The following FOCAD variants were observed in gnomAD, a reference collection of about 807,000 sequenced individuals.
The protein encoded by FOCAD is KIAA1797.
FOCAD carries 198 observed loss-of-function variants against 225.6 expected under a neutral mutation model. The observed-to-expected ratio is 0.88, with a 90% CI of 0.78 to 0.99. The LOEUF (loss-of-function observed/expected upper bound fraction) is 0.99. Ranked by LOEUF, FOCAD falls within the 50% of genes least tolerant of loss-of-function variation. The pLI, the probability that FOCAD is intolerant of heterozygous loss-of-function variation, is 0.00. For synonymous variants in FOCAD, 897 were observed against 755.0 expected (o/e 1.19, Z -3.08); for missense variants, 2,713 against 2,123.6 (o/e 1.28, Z -5.46).
chr9:20,709,153 G>A (rs1022271007), intron 1 of FOCAD, among the ~76,000 whole-genome samples: 59 of 151,960 alleles, frequency 3.9e-4, no homozygotes, highest in Admixed American at 3.6e-3. Flanking sequence ...GTATTCTTAG[G>A]GGCTGAACTA....
intron 15 of FOCAD, among the ~76,000 whole-genome samples, chr9:20,830,774 G>A (rs1825401782): frequency 6.6e-6 from 1 of 151,934 alleles, no homozygotes; most frequent in African/African-American, 2.4e-5. Context: ...ATCTCTGGGT[G>A]CAAGGGATCC....
At chr9:20,925,636 C>G (rs937275280) in intron 25 of FOCAD, among the ~76,000 whole-genome samples, 1 of 152,178 alleles carries the variant, frequency 6.6e-6, no homozygotes, top group African/African-American at 2.4e-5. Flanking sequence ...ATTCCAGTTA[C>G]CATGTGAGTT....
chr9:20,831,856 A>G (rs75881173), intron 15 of FOCAD, among the ~76,000 whole-genome samples: 2,809 of 152,078 alleles, frequency 0.018, 30 homozygotes, highest in Non-Finnish European at 0.029. Flanking sequence ...TTGAACCCCA[A>G]TCCTCCCATA....
At chr9:20,667,197 G>T (rs965617483) in intron 2 of FOCAD, among the ~76,000 whole-genome samples, 2 of 152,124 alleles carry the variant, frequency 1.3e-5, no homozygotes, top group African/African-American at 4.8e-5. Context: ...TGAAATGCAC[G>T]TGTTATAGCT....
intron 18 of FOCAD, among the ~76,000 whole-genome samples, chr9:20,873,626 C>T (rs1037186707): frequency 6.6e-6 from 1 of 152,102 alleles, no homozygotes; most frequent in African/African-American, 2.4e-5. Context: ...ACTTCTCCTT[C>T]ACTAGTGAAG....
chr9:20,898,121 T>C (rs1030248378), intron 21 of FOCAD, among the ~76,000 whole-genome samples: 6 of 151,870 alleles, frequency 4.0e-5, no homozygotes, highest in Non-Finnish European at 8.8e-5. Context: ...TTTGCTTCTC[T>C]ATATGTATGG....
At chr9:20,810,375 A>G (rs1822929184) in intron 11 of FOCAD, among the ~76,000 whole-genome samples, 1 of 152,154 alleles carries the variant, frequency 6.6e-6, no homozygotes. Context: ...TGTAAAACAC[A>G]TTACCAATGA....
At chr9:20,884,996 T>C in intron 20 of FOCAD, 113 bp from the exon 21 acceptor site, 1 of 478,248 alleles carries the variant, frequency 2.1e-6, no homozygotes, top group Non-Finnish European at 2.9e-6. Flanking sequence ...GCGGCGGAGG[T>C]TGCAGTGAGC....
chr9:20,705,564 T>C (rs1824312097), intron 1 of FOCAD, among the ~76,000 whole-genome samples: 1 of 152,192 alleles, frequency 6.6e-6, no homozygotes, highest in African/African-American at 2.4e-5. Context: ...CGATCATTTA[T>C]TGGCCAATAA....
intron 27 of FOCAD, among the ~76,000 whole-genome samples, chr9:20,930,765 G>T (rs771425411): frequency 6.6e-6 from 1 of 152,102 alleles, no homozygotes; most frequent in Non-Finnish European, 1.5e-5. Context: ...TATTCATTTC[G>T]TCCTGTTCAC....
intron 28 of FOCAD, 56 bp from the exon 29 acceptor site, chr9:20,944,571 G>A (rs532092930): frequency 2.5e-6 from 4 of 1,574,586 alleles, no homozygotes; most frequent in South Asian, 1.2e-5. Flanking sequence ...GGTAAGTGAA[G>A]AGCAATTGTG....
chr9:20,906,728 C>T (rs1469775763), intron 21 of FOCAD, among the ~76,000 whole-genome samples: 1 of 152,006 alleles, frequency 6.6e-6, no homozygotes, highest in Non-Finnish European at 1.5e-5. Context: ...TTTATTACTT[C>T]AGAATGGTCA....
chr9:20,719,293 G>C (rs1563911135), intron 3 of FOCAD, among the ~76,000 whole-genome samples: 1 of 152,142 alleles, frequency 6.6e-6, no homozygotes, highest in South Asian at 2.1e-4. Flanking sequence ...ATGTTGGCCA[G>C]GCTGGTCTCG....
intron 15 of FOCAD, among the ~76,000 whole-genome samples, chr9:20,859,942 G>T (rs1044970756): frequency 6.6e-6 from 1 of 151,786 alleles, no homozygotes; most frequent in African/African-American, 2.4e-5. Flanking sequence ...ATGATTATGA[G>T]TTTTTTTGGG....
At chr9:20,732,105 G>A (rs1826764973) in intron 4 of FOCAD, among the ~76,000 whole-genome samples, 1 of 152,108 alleles carries the variant, frequency 6.6e-6, no homozygotes, top group African/African-American at 2.4e-5. Context: ...GCTCTCCTGA[G>A]TATATTTATT....
chr9:20,851,567 G>A (rs1827659557), intron 15 of FOCAD, among the ~76,000 whole-genome samples: 1 of 151,748 alleles, frequency 6.6e-6, no homozygotes. Context: ...CACTAATAAA[G>A]TCTAATATCT....
At chr9:20,796,344 T>A (rs1821104471) in intron 11 of FOCAD, among the ~76,000 whole-genome samples, 1 of 152,228 alleles carries the variant, frequency 6.6e-6, no homozygotes, top group Non-Finnish European at 1.5e-5. Context: ...ATGGGATTGC[T>A]GGGTCAAATG....
intron 22 of FOCAD, among the ~76,000 whole-genome samples, chr9:20,909,790 G>A (rs990375843): frequency 3.3e-5 from 5 of 152,194 alleles, no homozygotes; most frequent in African/African-American, 1.2e-4. Context: ...CTTAAATAGA[G>A]TTTATGGTAT....
chr9:20,979,893 G>A (rs1183185929), intron 37 of FOCAD, among the ~76,000 whole-genome samples: 1 of 152,090 alleles, frequency 6.6e-6, no homozygotes, highest in Admixed American at 6.5e-5. Context: ...GCTTTGTTGA[G>A]TTATAATCTA....
Sources: gnomAD v4.1 joint callset for allele counts (sites outside exome capture counted in the v4.1 genomes callset) on GRCh38, gnomAD v4.1.1 for gene constraint, MANE v1.5 for transcripts, NCBI Gene and HGNC (gene_info 2026-07-23, HGNC 2026-07-21) for gene names.